The following MESP1 variants were observed in gnomAD, a reference collection of about 807,000 sequenced individuals.
MESP1 encodes mesoderm posterior protein 1.
MESP1 carries 22 observed loss-of-function variants against 15.2 expected under a neutral mutation model. That is an observed-to-expected ratio of 1.45 (90% CI 1.04 to 2.07). MESP1 has a LOEUF of 2.07. Ranked by LOEUF, MESP1 falls within the 30% of genes most tolerant of loss-of-function variation. MESP1 has a pLI of 0.00. For synonymous variants in MESP1, 216 were observed against 192.6 expected (o/e 1.12, Z -1.01); for missense variants, 484 against 411.9 (o/e 1.17, Z -1.51).
the MESP1 span, among the ~76,000 whole-genome samples, chr15:89,744,260 T>G: frequency 6.6e-6 from 1 of 152,174 alleles, no homozygotes; most frequent in Non-Finnish European, 1.5e-5. Context: ...CATACCACAT[T>G]CCTTGTTGGC....
chr15:89,735,047 G>A, the MESP1 span, among the ~76,000 whole-genome samples: 1 of 142,700 alleles, frequency 7.0e-6, no homozygotes, highest in Non-Finnish European at 1.5e-5. Flanking sequence ...CTTTCTTTCT[G>A]TTTTGTTTGG....
At chr15:89,746,740 T>C (rs1224179018), downstream of MESP1, among the ~76,000 whole-genome samples, 11 of 16,842 alleles carry the variant, frequency 6.5e-4, no homozygotes, top group South Asian at 3.4e-3. Context: ...TCCCCACACA[T>C]ATACACACAG....
the MESP1 span, among the ~76,000 whole-genome samples, chr15:89,739,179 C>T: frequency 8.6e-5 from 13 of 151,628 alleles, no homozygotes; most frequent in African/African-American, 3.2e-4. Flanking sequence ...GGTTGGCAAA[C>T]TATGACCTGT....
downstream of MESP1, among the ~76,000 whole-genome samples, chr15:89,747,069 CCCG>C (rs1313655494): frequency 1.3e-5 from 2 of 149,106 alleles, no homozygotes; most frequent in African/African-American, 4.9e-5. Context: ...CACACACAGC[CCCG>C]CCGCCACACA....
At chr15:89,742,281 A>C in the MESP1 span, among the ~76,000 whole-genome samples, 1 of 152,118 alleles carries the variant, frequency 6.6e-6, no homozygotes, top group Non-Finnish European at 1.5e-5. Context: ...TTATCTCCAC[A>C]TAGATGGAGA....
downstream of MESP1, among the ~76,000 whole-genome samples, chr15:89,746,340 C>T (rs1017053852): frequency 2.8e-5 from 4 of 144,150 alleles, no homozygotes; most frequent in Admixed American, 6.8e-5. Flanking sequence ...CACCTCCACA[C>T]ATCCACACAT....
chr15:89,735,785 G>A, the MESP1 span, among the ~76,000 whole-genome samples: 2 of 152,228 alleles, frequency 1.3e-5, no homozygotes, highest in African/African-American at 4.8e-5. Flanking sequence ...GAGAAAGGCT[G>A]TGATAGGGAT....
the MESP1 span, chr15:89,737,573 G>T: frequency 1.2e-6 from 2 of 1,614,190 alleles, no homozygotes; most frequent in Non-Finnish European, 1.7e-6. Flanking sequence ...TGCTTCCCAG[G>T]TGCTCATCTT....
the MESP1 span, chr15:89,732,963 C>A: frequency 6.3e-7 from 1 of 1,597,478 alleles, no homozygotes; most frequent in Non-Finnish European, 8.6e-7. Flanking sequence ...GGCCTCCTCC[C>A]CTACCCCGTT....
rs760467020 is a variant in MESP1, at chr15:89,750,940, G to A, written c.292C>T (p.Leu98=). ...CGCAGCTCGTGCAGGGCGCGGGCCA[G>A]CGTGCGCATGCGCAGTTTCTCCCGC... ...SEREKLRMRT[L]ARALHELRRF... Residue 98 remains leucine, a synonymous_variant, in exon 1 of 2, where the codon CTG becomes TTG. Transcript: ENST00000300057. 2 of 1,451,422 alleles carry A rather than the reference G, an allele frequency of 1.4e-6. No individual in the cohort carries two copies. Among genetic ancestry groups the A allele is most frequent in the Non-Finnish European group, 1.8e-6 (2 of 1,105,614 alleles). The allele number at this position is 1,451,422 out of a possible 1,614,324, so 89.9% of individuals were successfully genotyped here.
At position 89,751,092 on chromosome 15, in the gene MESP1, G is replaced by A; in HGVS notation, c.140C>T (p.Pro47Leu). The A allele has an allele frequency of 1.5e-6, 2 of 1,323,108 alleles. No individual in the cohort carries two copies. Among genetic ancestry groups the A allele is most frequent in the East Asian group, 2.9e-5 (1 of 34,160 alleles). The allele number at this position is 1,323,108 out of a possible 1,614,324, so 82.0% of individuals were successfully genotyped here. A position where few individuals can be genotyped will look rare whatever the true frequency, so the allele number is the denominator to read the frequency against. ...GGGGCTCGCCACGGGGCTGTCGGCT[G>A]GGGTGCTGCCCCATGAGTCTGGGGA... Reference protein sequence around the residue: ...VSSPDSWGSTPADSPVASPAR... With the variant: ...VSSPDSWGSTLADSPVASPAR... The change falls in exon 1 of 2, where the codon CCA becomes CTA. Residue 47 changes from proline (P) to leucine (L), a missense_variant. Coordinates refer to ENST00000300057, the MANE Select transcript of MESP1 (RefSeq NM_018670.4).
In MESP1 at chr15:89,751,235, A is replaced by G; in HGVS notation, c.-4T>C. 1 of 1,235,178 alleles carries G rather than the reference A, an allele frequency of 8.1e-7. No homozygotes were observed. Among genetic ancestry groups the G allele is most frequent in the Non-Finnish European group, 1.0e-6 (1 of 990,154 alleles). The allele number at this position is 1,235,178 out of a possible 1,614,324, so 76.5% of individuals were successfully genotyped here. Reference sequence around the variant, plus strand: ...GCGGGCACAGGGGCTGGGCCATGGCAGCGGCGGCGCGTCTGGGGGCCGGCG... The same window carrying G: ...GCGGGCACAGGGGCTGGGCCATGGCGGCGGCGGCGCGTCTGGGGGCCGGCG... On this transcript the variant is annotated 5_prime_UTR_variant, in exon 1 of 2. Coordinates refer to ENST00000300057, the MANE Select transcript of MESP1 (RefSeq NM_018670.4).
downstream of MESP1, among the ~76,000 whole-genome samples, chr15:89,746,333 CTCCACACATCCACACA>C (rs778391185): frequency 5.0e-5 from 7 of 139,986 alleles, no homozygotes; most frequent in East Asian, 2.0e-4. Context: ...GCATCCACAC[CTCCACACATCCACACA>C]TCCACACATC....
In MESP1 at chr15:89,750,148, T is replaced by A. The variant is rs763929173; in HGVS notation, c.803A>T (p.Lys268Met). ...SPLEWLPEEP[K>M] Reference sequence around the variant, plus strand: ...GACGGCGTCAGTTGTCCCTTGTCACTTGGGCTCCTCAGGCAGCCACTCCAG... The same window carrying A: ...GACGGCGTCAGTTGTCCCTTGTCACATGGGCTCCTCAGGCAGCCACTCCAG... The change falls in exon 2 of 2, where the codon AAG becomes ATG. Residue 268 changes from lysine to methionine, a missense_variant. Lys to Met is a moderately conservative substitution (Grantham distance 95). Transcript: ENST00000300057. 1.9e-6 allele frequency: 3 copies of A among 1,613,806 alleles called. No homozygotes were observed. In the Admixed American group the frequency reaches 5.0e-5, roughly 27 times the overall value.
the MESP1 span, among the ~76,000 whole-genome samples, chr15:89,736,664 G>A: frequency 6.6e-6 from 1 of 152,136 alleles, no homozygotes; most frequent in East Asian, 1.9e-4. Context: ...AGAACATGGT[G>A]GAGACGAGTG....
chr15:89,737,906 T>C, the MESP1 span: 2 of 1,317,538 alleles, frequency 1.5e-6, no homozygotes, highest in Non-Finnish European at 2.1e-6. Flanking sequence ...CAGGGTCTTC[T>C]CTCTGAAGTC....
chr15:89,749,945 G>T lies in MESP1; in HGVS notation c.*199C>A. The T allele has an allele frequency of 1.7e-6, 1 of 603,994 alleles. No homozygotes were observed. Among genetic ancestry groups the T allele is most frequent in the East Asian group, 2.8e-5 (1 of 36,166 alleles). 37.4% of individuals were successfully genotyped at this position (603,994 alleles called of 1,614,324 possible). A position where few individuals can be genotyped will look rare whatever the true frequency, so the allele number is the denominator to read the frequency against. On this transcript the variant is annotated 3_prime_UTR_variant, in exon 2 of 2. Coordinates refer to ENST00000300057, the MANE Select transcript of MESP1 (RefSeq NM_018670.4). ...CAGAGCCTCCTGCTTGCCTCAAAGT[G>T]TCTAGCCCTATGGGTCCCTCCATGG...
the MESP1 span, among the ~76,000 whole-genome samples, chr15:89,743,886 C>T: frequency 1.6e-4 from 24 of 152,134 alleles, no homozygotes; most frequent in Non-Finnish European, 2.9e-4. Flanking sequence ...AGGATGGTGG[C>T]GTAAGGGCCT....
At chr15:89,750,479 C>A in intron 1 of MESP1, 30 bp downstream of exon 1, 1 of 1,475,762 alleles carries the variant, frequency 6.8e-7, no homozygotes, top group Non-Finnish European at 8.9e-7. Flanking sequence ...GGGGCACGGA[C>A]GAAGGGGGCG....
Sources: allele counts gnomAD v4.1 joint callset (sites outside exome capture counted in the v4.1 genomes callset), GRCh38; gene constraint gnomAD v4.1.1; transcripts MANE v1.5; gene names NCBI Gene and HGNC (gene_info 2026-07-23, HGNC 2026-07-21).